EBF4: variants seen among roughly 807,000 people sequenced by gnomAD.
The protein encoded by EBF4 is EBF transcription factor 4.
In EBF4, 34 loss-of-function variants were observed where a neutral mutation model predicts 67.1. The observed-to-expected ratio is 0.51, with a 90% confidence interval of 0.39 to 0.67. The LOEUF is 0.67. Ranked by LOEUF, EBF4 falls within the 30% of genes least tolerant of loss-of-function variation. The pLI is 0.00. For missense variants in EBF4, 837 were observed against 873.3 expected (o/e 0.96, Z 0.52); for synonymous variants, 387 against 377.7 (o/e 1.02, Z -0.29).
chr20:2,694,362 TC>T (rs1450267097), intron 1 of EBF4, among the ~76,000 whole-genome samples: 34 of 152,160 alleles, frequency 2.2e-4, no homozygotes, highest in Admixed American at 2.2e-3. Flanking sequence ...CCCCTGCCTT[TC>T]CCTCGGGTGT....
At chr20:2,701,158 G>T (rs2087369500) in intron 1 of EBF4, among the ~76,000 whole-genome samples, 1 of 152,228 alleles carries the variant, frequency 6.6e-6, no homozygotes, top group South Asian at 2.1e-4. Context: ...CTCCATGGGT[G>T]GGTGTGAGCC....
At chr20:2,717,902 C>T (rs1306272575) in intron 6 of EBF4, among the ~76,000 whole-genome samples, 1 of 152,024 alleles carries the variant, frequency 6.6e-6, no homozygotes, top group Non-Finnish European at 1.5e-5. Flanking sequence ...CCTCTGCCTC[C>T]TGGGTTCAAG....
intron 6 of EBF4, among the ~76,000 whole-genome samples, chr20:2,737,940 G>A (rs1182733163): frequency 6.6e-6 from 1 of 150,662 alleles, no homozygotes; most frequent in Non-Finnish European, 1.5e-5. Flanking sequence ...ACTCCAGCCT[G>A]GGCAACAGAG....
intron 1 of EBF4, among the ~76,000 whole-genome samples, chr20:2,695,129 T>C (rs1002264165): frequency 2.6e-5 from 4 of 152,106 alleles, no homozygotes; most frequent in African/African-American, 9.7e-5. Flanking sequence ...TGGCTTTTTT[T>C]TTTTTCAACT....
upstream of EBF4, chr20:2,692,947 C>G (rs1362750950): frequency 1.4e-5 from 2 of 146,376 alleles, no homozygotes; most frequent in Admixed American, 1.4e-4. This position sits in a 1 kb window ranked among gnomAD's most constrained non-coding sequence, Gnocchi z 6.4. Flanking sequence ...TGCTGCTGCT[C>G]CAGGTGCTGC....
At chr20:2,731,778 A>T (rs989344519) in intron 6 of EBF4, among the ~76,000 whole-genome samples, 4 of 152,200 alleles carry the variant, frequency 2.6e-5, no homozygotes, top group African/African-American at 7.2e-5. Flanking sequence ...AGAACAGGGA[A>T]CTGGCACAGA....
intron 6 of EBF4, among the ~76,000 whole-genome samples, chr20:2,732,111 T>C (rs2087821428): frequency 6.6e-6 from 1 of 152,100 alleles, no homozygotes; most frequent in African/African-American, 2.4e-5. Flanking sequence ...CTTTTTTTTT[T>C]TTTCTTTTGA....
Position 2,707,591 on chromosome 20 carries a change from G to C in EBF4, c.415-356G>C, listed in dbSNP as rs3827129. 6.6e-6 allele frequency among the ~76,000 whole-genome samples: 1 copy of C among 152,030 alleles called. No homozygotes were observed. Among genetic ancestry groups the C allele is most frequent in the Non-Finnish European group, 1.5e-5 (1 of 67,984 alleles). ...GCACACAGGAGGATGCTGGGGGAGG[G>C]GAGGGGCCTGGTGCTGGGTGGGCAC... On this transcript the variant is annotated intron_variant, in intron 4 of 16. Coordinates refer to ENST00000609451, the Ensembl canonical transcript of EBF4. This position sits in a 1 kb window ranked among gnomAD's most constrained non-coding sequence, Gnocchi z 4.6.
At chr20:2,714,871 A>G (rs1046906644) in intron 6 of EBF4, among the ~76,000 whole-genome samples, 1 of 152,196 alleles carries the variant, frequency 6.6e-6, no homozygotes, top group African/African-American at 2.4e-5. Flanking sequence ...TTTTAAATGT[A>G]TCCTGTGGTT....
chr20:2,697,377 C>A (rs1193875324), intron 1 of EBF4, among the ~76,000 whole-genome samples: 1 of 151,790 alleles, frequency 6.6e-6, no homozygotes, highest in Non-Finnish European at 1.5e-5. Flanking sequence ...AACCCCGTCT[C>A]TACTAAAAAT....
intron 6 of EBF4, among the ~76,000 whole-genome samples, chr20:2,713,996 T>C (rs2087576148): frequency 6.6e-6 from 1 of 152,198 alleles, no homozygotes; most frequent in African/African-American, 2.4e-5. Flanking sequence ...CCAAGAATTA[T>C]GACAGGGACA....
rs754506851 is a variant in EBF4, at chr20:2,693,747, C to G, written c.102C>G (p.Gly34=). Reference sequence around the variant, plus strand: ...GCTCAGTGCGCTCCTGGATGCAGGGCGCGGGCATCCTGGACGCCAGCACCG... The same window carrying G: ...GCTCAGTGCGCTCCTGGATGCAGGGGGCGGGCATCCTGGACGCCAGCACCG... Residue 34 remains glycine, a synonymous_variant, in exon 1 of 17, where the codon GGC becomes GGG. Coordinates refer to ENST00000609451, the Ensembl canonical transcript of EBF4. The surrounding 1 kb of genome is among the most constrained non-coding windows in gnomAD (Gnocchi z 4.6). 7.4e-7 allele frequency: 1 copy of G among 1,346,228 alleles called. No individual in the cohort carries two copies. The highest frequency in any genetic ancestry group is 9.5e-7 in the Non-Finnish European group (1 of 1,051,790). The allele number at this position is 1,346,228 out of a possible 1,614,324, so 83.4% of individuals were successfully genotyped here. A position where few individuals can be genotyped will look rare whatever the true frequency, so the allele number is the denominator to read the frequency against.
intron 6 of EBF4, among the ~76,000 whole-genome samples, chr20:2,741,005 C>T (rs17327859): frequency 0.11 from 17,155 of 152,006 alleles, 1,030 homozygotes; most frequent in East Asian, 0.18. Flanking sequence ...AGTTCCTGGA[C>T]GTTGTCTTCC....
chr20:2,698,177 A>C (rs1262667462), intron 1 of EBF4, among the ~76,000 whole-genome samples: 1 of 152,170 alleles, frequency 6.6e-6, no homozygotes, highest in Non-Finnish European at 1.5e-5. Context: ...CCCTGCCCTC[A>C]GGGACTTTGG....
At position 2,752,071 on chromosome 20, in the gene EBF4, C is replaced by A; in HGVS notation, c.1174-15C>A. ...CCGCGGCTGCCCCGGCCGTGCCCCG[C>A]TCTTGTCTTCGCAGGAGCTGCTCCT... On this transcript the variant is annotated splice_polypyrimidine_tract_variant and intron_variant, in intron 12 of 16. Coordinates refer to ENST00000609451, the Ensembl canonical transcript of EBF4. The A allele has an allele frequency of 6.9e-7, 1 of 1,451,782 alleles. No individual in the cohort carries two copies. Among genetic ancestry groups the A allele is most frequent in the Non-Finnish European group, 9.0e-7 (1 of 1,109,318 alleles). The allele number at this position is 1,451,782 out of a possible 1,614,324, so 89.9% of individuals were successfully genotyped here.
intron 6 of EBF4, among the ~76,000 whole-genome samples, chr20:2,732,025 C>A (rs950317638): frequency 1.3e-5 from 2 of 152,032 alleles, no homozygotes; most frequent in Non-Finnish European, 2.9e-5. Flanking sequence ...TTGAAGTTGC[C>A]AGTTATTATT....
chr20:2,729,970 CTG>C (rs2087792334), intron 6 of EBF4, among the ~76,000 whole-genome samples: 1 of 152,324 alleles, frequency 6.6e-6, no homozygotes. Flanking sequence ...GGATCCCACT[CTG>C]TGGCAAGGAC....
chr20:2,753,586 A>G (rs1420554847), intron 14 of EBF4, among the ~76,000 whole-genome samples: 1 of 152,042 alleles, frequency 6.6e-6, no homozygotes, highest in African/African-American at 2.4e-5. Flanking sequence ...GTCCCAGGCG[A>G]CTCTGCCGAG....
At chr20:2,701,560 A>G (rs4141589) in intron 1 of EBF4, among the ~76,000 whole-genome samples, 20,293 of 152,296 alleles carry the variant, frequency 0.13, 1,448 homozygotes, top group East Asian at 0.29. Flanking sequence ...AGCTCAGGCC[A>G]GCATCTGTGA....
Sources: allele counts gnomAD v4.1 joint callset (sites outside exome capture counted in the v4.1 genomes callset), GRCh38; gene constraint gnomAD v4.1.1; non-coding constraint Gnocchi (gnomAD v3.1); transcripts MANE v1.5; gene names NCBI Gene and HGNC (gene_info 2026-07-23, HGNC 2026-07-21).